The following SEC22A variants were observed in gnomAD, a reference collection of about 807,000 sequenced individuals.
SEC22A encodes the protein vesicle-trafficking protein SEC22a.
In SEC22A, 22 loss-of-function variants were observed where a neutral mutation model predicts 35.3. The ratio of observed to expected loss-of-function variants is 0.62; its 90% CI spans 0.45 to 0.89. The LOEUF (loss-of-function observed/expected upper bound fraction) is 0.89, where lower values mean the gene tolerates loss of function less well. Ranked by LOEUF, SEC22A falls within the 40% of genes least tolerant of loss-of-function variation. The probability of loss-of-function intolerance (pLI) is 0.00; values close to 1 mark genes in which losing one functional copy is unlikely to be tolerated. For missense variants in SEC22A, 354 were observed against 362.5 expected, an observed-to-expected ratio of 0.98 and a Z score of 0.19; for synonymous variants, 119 against 129.5, an observed-to-expected ratio of 0.92 and a Z score of 0.55.
chr3:123,255,829 A>G (rs1199662070), intron 5 of SEC22A, among the ~76,000 whole-genome samples: 2 of 151,662 alleles, frequency 1.3e-5, no homozygotes, highest in East Asian at 3.8e-4. Context: ...ATAACATCTT[A>G]TTTTGAAAGA....
chr3:123,253,147 C>T (rs1483638263), intron 5 of SEC22A, among the ~76,000 whole-genome samples: 1 of 152,058 alleles, frequency 6.6e-6, no homozygotes, highest in African/African-American at 2.4e-5. Context: ...GAAATGCTGA[C>T]CTGGAAGTTA....
intron 4 of SEC22A, among the ~76,000 whole-genome samples, chr3:123,239,255 C>T (rs1937481809): frequency 1.3e-5 from 2 of 152,122 alleles, no homozygotes; most frequent in South Asian, 4.1e-4. Flanking sequence ...GCAGAGGGAG[C>T]AGGAGGAAAA....
At chr3:123,217,770 A>G (rs1205911021) in intron 2 of SEC22A, among the ~76,000 whole-genome samples, 1 of 152,200 alleles carries the variant, frequency 6.6e-6, no homozygotes, top group East Asian at 1.9e-4. Context: ...TTAGCATGCT[A>G]CATTTTATGT....
intron 6 of SEC22A, among the ~76,000 whole-genome samples, chr3:123,264,094 G>A (rs1253571097): frequency 2.6e-5 from 4 of 151,828 alleles, no homozygotes; most frequent in Admixed American, 2.0e-4. Flanking sequence ...TTGTAGAGAC[G>A]GGGTCTTGCT....
At chr3:123,249,320 C>T (rs1329167457) in intron 5 of SEC22A, among the ~76,000 whole-genome samples, 1 of 151,966 alleles carries the variant, frequency 6.6e-6, no homozygotes, top group African/African-American at 2.4e-5. Flanking sequence ...AATTCATTCT[C>T]TAGTTTCTCT....
intron 5 of SEC22A, among the ~76,000 whole-genome samples, chr3:123,247,709 A>G (rs1219113081): frequency 6.6e-6 from 1 of 152,178 alleles, no homozygotes; most frequent in Non-Finnish European, 1.5e-5. Flanking sequence ...ATCTTATTAA[A>G]CTAATTACCA....
rs1938202352 is a variant in SEC22A at position 123,272,815 on chromosome 3, G to C, written c.*1093G>C. The C allele has an allele frequency of 6.5e-6, 1 of 153,816 alleles. No homozygotes were observed. The highest frequency in any genetic ancestry group is 2.4e-5 in the African/African-American group (1 of 41,470). 9.5% of individuals were successfully genotyped at this position (153,816 alleles called of 1,614,324 possible). ...CTTAAAGACATGTTGTGTGCCACCA[G>C]TGGCATGGGTCCGCACTATGGAAAT... On this transcript the variant is annotated 3_prime_UTR_variant, in exon 7 of 7. Transcript: ENST00000492595.
chr3:123,253,528 G>GA (rs1937644488), intron 5 of SEC22A, among the ~76,000 whole-genome samples: 2 of 108,156 alleles, frequency 1.8e-5, no homozygotes, highest in Admixed American at 1.9e-4. Flanking sequence ...CCTGGCCAAT[G>GA]TGGTGAAACC....
rs773969427 is a variant in SEC22A at position 123,217,898 on chromosome 3, C to G, written c.183-5661C>G. On this transcript the variant is annotated intron_variant, in intron 2 of 6. Coordinates refer to ENST00000492595, the MANE Select transcript of SEC22A (RefSeq NM_012430.5). ...GAGCCTATGAAGTAGAATGCTGGCC[C>G]TATGCTAGGTGTTCTGTCTGCTGAG... Among the ~76,000 whole-genome samples the G allele has an allele frequency of 7.9e-5, 12 of 152,168 alleles. No individual in the cohort carries two copies. In the East Asian group the frequency reaches 2.3e-3, roughly 29 times the overall value.
chr3:123,209,403 A>C lies in SEC22A; in HGVS notation c.182+4A>C. 1 of 1,602,938 alleles carries C rather than the reference A, an allele frequency of 6.2e-7. No individual in the cohort carries two copies. The highest frequency in any genetic ancestry group is 8.5e-7 in the Non-Finnish European group (1 of 1,171,492). On this transcript the variant is annotated splice_donor_region_variant and intron_variant, in intron 2 of 6. Transcript: ENST00000492595. ...AAACTGGACATTATAACATTAAGTAAGACTTCAGTTTGCTTCATTTGACTC... is the reference window on the plus strand; with the variant it reads ...AAACTGGACATTATAACATTAAGTACGACTTCAGTTTGCTTCATTTGACTC...
intron 2 of SEC22A, among the ~76,000 whole-genome samples, chr3:123,212,509 G>A (rs1267555705): frequency 6.6e-6 from 1 of 151,920 alleles, no homozygotes; most frequent in Admixed American, 6.6e-5. Context: ...AATTCTGGTA[G>A]GTGTGCTGGA....
At chr3:123,269,175 A>ATGTGTGTGTG in intron 6 of SEC22A, among the ~76,000 whole-genome samples, 2 of 79,356 alleles carry the variant, frequency 2.5e-5, no homozygotes, top group African/African-American at 1.2e-4. Flanking sequence ...CTTGAATTAA[A>ATGTGTGTGTG]TATATGTGTG....
At chr3:123,227,267 C>T (rs906827938) in intron 4 of SEC22A, among the ~76,000 whole-genome samples, 6 of 152,182 alleles carry the variant, frequency 3.9e-5, no homozygotes, top group African/African-American at 1.4e-4. Flanking sequence ...AAGTCAGCTT[C>T]CCTATGTCTA....
intron 2 of SEC22A, among the ~76,000 whole-genome samples, chr3:123,221,470 C>CAAAAAAAA (rs56800842): frequency 3.3e-5 from 2 of 60,604 alleles, no homozygotes; most frequent in Non-Finnish European, 5.8e-5. Flanking sequence ...GAGTCCATCT[C>CAAAAAAAA]AAAAAAAAAA....
chr3:123,250,676 A>G (rs902998823), intron 5 of SEC22A, among the ~76,000 whole-genome samples: 1 of 152,220 alleles, frequency 6.6e-6, no homozygotes, highest in Non-Finnish European at 1.5e-5. Flanking sequence ...TTTCAAGGTT[A>G]CATGTACAAA....
intron 4 of SEC22A, among the ~76,000 whole-genome samples, chr3:123,229,427 G>A (rs2108055366): frequency 6.6e-6 from 1 of 152,142 alleles, no homozygotes; most frequent in Admixed American, 6.5e-5. Flanking sequence ...CTGAAAGAAA[G>A]AAAATAAAAA....
Position 123,226,672 on chromosome 3 carries a change from T to C in SEC22A, c.541+1375T>C, listed in dbSNP as rs147338645. Reference sequence around the variant, plus strand: ...ATTTTCTATCATTCTGTGGGTTGTCTCTTCACTTTGTTGTTTCCTTTGCTG... The same window carrying C: ...ATTTTCTATCATTCTGTGGGTTGTCCCTTCACTTTGTTGTTTCCTTTGCTG... On this transcript the variant is annotated intron_variant, in intron 4 of 6. Transcript: ENST00000492595. Among the ~76,000 whole-genome samples, 431 of 152,344 alleles carry C rather than the reference T, an allele frequency of 2.8e-3. 1 individual carries two copies. The highest frequency in any genetic ancestry group is 0.01 in the African/African-American group (419 of 41,578).
At chr3:123,264,555 A>G (rs181646659) in intron 6 of SEC22A, among the ~76,000 whole-genome samples, 9 of 151,620 alleles carry the variant, frequency 5.9e-5, no homozygotes, top group African/African-American at 1.9e-4. Flanking sequence ...TAACATCATT[A>G]GCTAATGATG....
intron 2 of SEC22A, among the ~76,000 whole-genome samples, chr3:123,220,867 C>CTATATATATAT (rs1937107814): frequency 1.0e-5 from 1 of 97,530 alleles, no homozygotes; most frequent in Non-Finnish European, 2.3e-5. Flanking sequence ...AAAAAGGTCT[C>CTATATATATAT]ATATATATAT....
Sources: allele counts gnomAD v4.1 joint callset (sites outside exome capture counted in the v4.1 genomes callset), GRCh38; gene constraint gnomAD v4.1.1; transcripts MANE v1.5; gene names NCBI Gene and HGNC (gene_info 2026-07-23, HGNC 2026-07-21).